The following RPS6KA5 variants were observed in gnomAD, a reference collection of about 807,000 sequenced individuals.
The protein encoded by RPS6KA5 is ribosomal protein S6 kinase A5.
RPS6KA5 carries 27 observed loss-of-function variants against 85.5 expected under a neutral mutation model. That is an observed-to-expected ratio of 0.32 (90% confidence interval 0.23 to 0.44). RPS6KA5 has a LOEUF of 0.44. Ranked by LOEUF, RPS6KA5 falls within the 20% of genes least tolerant of loss-of-function variation. The pLI is 1.00. For missense variants in RPS6KA5, 811 were observed against 980.9 expected, an observed-to-expected ratio of 0.83 and a Z score of 2.31; for synonymous variants, 334 against 348.2, an observed-to-expected ratio of 0.96 and a Z score of 0.46.
At chr14:90,902,532 T>C (rs969868030) in intron 9 of RPS6KA5, among the ~76,000 whole-genome samples, 5 of 152,196 alleles carry the variant, frequency 3.3e-5, no homozygotes, top group South Asian at 2.1e-4. Flanking sequence ...TAAAAGATTA[T>C]TGTATTTTCT....
intron 5 of RPS6KA5, among the ~76,000 whole-genome samples, chr14:90,928,489 C>T (rs2036800621): frequency 6.6e-6 from 1 of 151,602 alleles, no homozygotes; most frequent in Non-Finnish European, 1.5e-5. Context: ...AAAATGGACA[C>T]TTCTAACAAA....
At chr14:90,923,339 T>G in intron 5 of RPS6KA5, 143 bp from the exon 6 acceptor site, 1 of 656,214 alleles carries the variant, frequency 1.5e-6, no homozygotes, top group Non-Finnish European at 2.7e-6. Flanking sequence ...CACTCTTCAC[T>G]GGAACAGACC....
In RPS6KA5 at chr14:91,033,777, G is replaced by A. The variant is rs150405678; in HGVS notation, c.103+26555C>T. ...ACTAGAGTATTTAACTTGTAGGCAT[G>A]TATCTGAGAGAAACTCTTATACATT... On this transcript the variant is annotated intron_variant, in intron 1 of 16. Transcript: ENST00000614987. Among the ~76,000 whole-genome samples the A allele has an allele frequency of 3.5e-3, 529 of 152,176 alleles. 2 individuals carry two copies. The highest frequency in any genetic ancestry group is 0.012 in the African/African-American group (483 of 41,520).
chr14:90,937,917 G>A (rs956813297), intron 5 of RPS6KA5, among the ~76,000 whole-genome samples: 9 of 152,104 alleles, frequency 5.9e-5, no homozygotes, highest in African/African-American at 1.7e-4. Flanking sequence ...CCCCTGGCAT[G>A]TCCTCACATT....
intron 1 of RPS6KA5, among the ~76,000 whole-genome samples, chr14:91,007,793 G>A (rs1790500950): frequency 6.6e-6 from 1 of 151,682 alleles, no homozygotes; most frequent in African/African-American, 2.4e-5. Context: ...AAGGATAAAA[G>A]GAAAATTGTC....
chr14:90,993,805 A>C (rs2040405109), intron 2 of RPS6KA5, among the ~76,000 whole-genome samples: 1 of 152,194 alleles, frequency 6.6e-6, no homozygotes, highest in South Asian at 2.1e-4. Flanking sequence ...TTAATCCTGT[A>C]AACTCCCAGC....
At position 90,855,904 on chromosome 14, in the gene RPS6KA5, T is replaced by G. The variant is rs913094814; in HGVS notation, c.*16170A>C. ...TTACAGGCGTGAGTAGAGACAGCGT[T>G]TCGCCATGTTGGCCAGGCTGCTCTC... On this transcript the variant is annotated 3_prime_UTR_variant, in exon 17 of 17. Transcript: ENST00000614987. 6.6e-6 allele frequency: 1 copy of G among 152,282 alleles called. No homozygotes were observed. The highest frequency in any genetic ancestry group is 6.5e-5 in the Admixed American group (1 of 15,270). 9.4% of individuals were successfully genotyped at this position (152,282 alleles called of 1,614,324 possible).
At chr14:91,051,964 T>C (rs1050288084) in intron 1 of RPS6KA5, among the ~76,000 whole-genome samples, 64 of 152,158 alleles carry the variant, frequency 4.2e-4, no homozygotes, top group African/African-American at 1.5e-3. Context: ...ACTTTGTCTA[T>C]ACCAGAATTT....
At position 90,876,019 on chromosome 14, in the gene RPS6KA5, T is replaced by C. The variant is rs937695529; in HGVS notation, c.1837-659A>G. On this transcript the variant is annotated intron_variant, in intron 14 of 16. Transcript: ENST00000614987. ...TATACATATGTAAAAAACCTGCACG[T>C]TGTGCACATGTACCCTAAAACTTAA... 3.9e-5 allele frequency among the ~76,000 whole-genome samples: 6 copies of C among 151,956 alleles called. No individual in the cohort carries two copies. The East Asian group carries it at 7.8e-4, about 20-fold the overall frequency.
At chr14:91,041,322 TCA>T (rs2042599063) in intron 1 of RPS6KA5, among the ~76,000 whole-genome samples, 1 of 152,230 alleles carries the variant, frequency 6.6e-6, no homozygotes, top group African/African-American at 2.4e-5. Context: ...TCTTTTTTAC[TCA>T]ACATCACAAA....
intron 7 of RPS6KA5, 33 bp from the exon 8 acceptor site, chr14:90,906,332 AC>A: frequency 6.6e-7 from 1 of 1,515,758 alleles, no homozygotes; most frequent in Non-Finnish European, 8.9e-7. Flanking sequence ...GTTAAAACAA[AC>A]AGGATGACAA....
At chr14:90,885,073 C>A (rs1237369443) in intron 14 of RPS6KA5, among the ~76,000 whole-genome samples, 1 of 151,316 alleles carries the variant, frequency 6.6e-6, no homozygotes, top group Non-Finnish European at 1.5e-5. Flanking sequence ...GGCAACATGG[C>A]AAAACCCCAC....
rs146493230 is a variant in RPS6KA5 at position 90,991,638 on chromosome 14, G to A, written c.175+9450C>T. On this transcript the variant is annotated intron_variant, in intron 2 of 16. Transcript: ENST00000614987. ...AATAGCTTGAACTTGGGAGGCAGAG[G>A]TTGCAGTGAGCTGAGATCACACCAC... Among the ~76,000 whole-genome samples, 223 of 144,928 alleles carry A rather than the reference G, an allele frequency of 1.5e-3. 1 individual carries two copies. The highest frequency in any genetic ancestry group is 4.9e-3 in the African/African-American group (196 of 39,664).
intron 3 of RPS6KA5, among the ~76,000 whole-genome samples, chr14:90,971,566 A>T (rs1288159275): frequency 6.6e-6 from 1 of 152,242 alleles, no homozygotes; most frequent in Non-Finnish European, 1.5e-5. Flanking sequence ...TCTATTCCGT[A>T]TCTGGTTACT....
chr14:90,963,857 C>A (rs1290088270), intron 3 of RPS6KA5, among the ~76,000 whole-genome samples: 1 of 152,120 alleles, frequency 6.6e-6, no homozygotes, highest in Admixed American at 6.5e-5. Context: ...TACATGTTCA[C>A]CGAGGAGTAG....
intron 7 of RPS6KA5, among the ~76,000 whole-genome samples, chr14:90,918,173 C>G (rs2036219979): frequency 6.6e-6 from 1 of 152,174 alleles, no homozygotes; most frequent in African/African-American, 2.4e-5. Flanking sequence ...TCCAGTTCCT[C>G]TAAGTCTTTA....
intron 8 of RPS6KA5, among the ~76,000 whole-genome samples, chr14:90,905,540 T>C (rs1038191115): frequency 6.6e-6 from 1 of 152,194 alleles, no homozygotes; most frequent in Non-Finnish European, 1.5e-5. Flanking sequence ...TGGTGTTTTT[T>C]TTGTACTAAA....
chr14:90,962,949 A>G (rs919537829), intron 3 of RPS6KA5, among the ~76,000 whole-genome samples: 2 of 152,184 alleles, frequency 1.3e-5, no homozygotes, highest in Non-Finnish European at 2.9e-5. Flanking sequence ...ATAATTGTAA[A>G]TATCAGAGCC....
chr14:91,047,404 G>T (rs1195342063), intron 1 of RPS6KA5, among the ~76,000 whole-genome samples: 1 of 152,074 alleles, frequency 6.6e-6, no homozygotes, highest in East Asian at 1.9e-4. Flanking sequence ...CAGAACAGCT[G>T]GTCAAAAGCA....
Sources: allele counts gnomAD v4.1 joint callset (sites outside exome capture counted in the v4.1 genomes callset), GRCh38; gene constraint gnomAD v4.1.1; transcripts MANE v1.5; gene names NCBI Gene and HGNC (gene_info 2026-07-23, HGNC 2026-07-21).